MYLK4: variants seen among roughly 807,000 people sequenced by gnomAD.
MYLK4 encodes the protein caMLCK like.
MYLK4 carries 46 observed loss-of-function variants against 48.1 expected under a neutral mutation model. The ratio of observed to expected loss-of-function variants is 0.96; its 90% CI spans 0.75 to 1.22. MYLK4 has a LOEUF of 1.22. Among genes scored for constraint, MYLK4 ranks in the 50% most tolerant of loss-of-function variants. The pLI is 0.00. For synonymous variants in MYLK4, 170 were observed against 180.8 expected (o/e 0.94, Z 0.48); for missense variants, 451 against 486.1 (o/e 0.93, Z 0.68).
intron 2 of MYLK4, among the ~76,000 whole-genome samples, chr6:2,730,435 G>A (rs1763438635): frequency 6.6e-6 from 1 of 152,188 alleles, no homozygotes; most frequent in Non-Finnish European, 1.5e-5. Flanking sequence ...AGCATTGAAT[G>A]AGGGGCTGTA....
At chr6:2,731,886 T>A (rs1285222181) in intron 2 of MYLK4, among the ~76,000 whole-genome samples, 1 of 152,212 alleles carries the variant, frequency 6.6e-6, no homozygotes, top group Admixed American at 6.5e-5. Flanking sequence ...GAAGAGCAAG[T>A]GGCAGCAAGT....
At chr6:2,709,605 T>C (rs1362611671) in intron 2 of MYLK4, among the ~76,000 whole-genome samples, 1 of 152,272 alleles carries the variant, frequency 6.6e-6, no homozygotes, top group Non-Finnish European at 1.5e-5. Flanking sequence ...CTGTTTGCAA[T>C]TCCATTTGAA....
chr6:2,684,148 T>C lies in MYLK4; in HGVS notation c.546-986A>G, dbSNP rs556544103. On this transcript the variant is annotated intron_variant, in intron 6 of 12. Transcript: ENST00000274643. ...GCACTACTCTTGTGTCTTGGGGCCA[T>C]TATGAAGTCAAATGATAGTTCCGTG... Among the ~76,000 whole-genome samples, 3 of 152,220 alleles carry C rather than the reference T, an allele frequency of 2.0e-5. No individual in the cohort carries two copies. The East Asian group carries it at 5.8e-4, about 29-fold the overall frequency.
At chr6:2,753,750 A>G (rs1006371056), upstream of MYLK4, among the ~76,000 whole-genome samples, 3 of 152,184 alleles carry the variant, frequency 2.0e-5, no homozygotes, top group Non-Finnish European at 4.4e-5. Flanking sequence ...AGATATAAAA[A>G]TGGTTAATAA....
chr6:2,764,154 C>T, the MYLK4 span, among the ~76,000 whole-genome samples: 3 of 152,084 alleles, frequency 2.0e-5, no homozygotes, highest in Non-Finnish European at 4.4e-5. Context: ...AGCTCACGAT[C>T]CTCTTTTGGT....
intron 2 of MYLK4, among the ~76,000 whole-genome samples, chr6:2,698,701 T>G (rs1412890662): frequency 6.6e-6 from 1 of 152,222 alleles, no homozygotes; most frequent in Non-Finnish European, 1.5e-5. Flanking sequence ...GAGATGAATT[T>G]TCAGAAGAAA....
At chr6:2,670,820 C>T (rs1582020606) in intron 12 of MYLK4, among the ~76,000 whole-genome samples, 1 of 152,120 alleles carries the variant, frequency 6.6e-6, no homozygotes, top group East Asian at 1.9e-4. Context: ...ACACTCCACC[C>T]TTTACAAGCT....
intron 3 of MYLK4, among the ~76,000 whole-genome samples, chr6:2,690,768 TAGAG>T (rs1299906401): frequency 1.3e-5 from 2 of 151,524 alleles, no homozygotes; most frequent in Non-Finnish European, 2.9e-5. Flanking sequence ...TTCCTTTCCT[TAGAG>T]AGAAATTATT....
At chr6:2,750,192 C>T (rs1033916) in intron 1 of MYLK4, among the ~76,000 whole-genome samples, 129,157 of 152,176 alleles carry the variant, frequency 0.85, 54,939 homozygotes, top group East Asian at 0.92. Context: ...GGAGATTTTC[C>T]GAAAAGCGCC....
chr6:2,753,291 T>C (rs1764341655), upstream of MYLK4, among the ~76,000 whole-genome samples: 1 of 152,194 alleles, frequency 6.6e-6, no homozygotes, highest in African/African-American at 2.4e-5. Flanking sequence ...GGGTTGGCAT[T>C]GAAACCCGGC....
At position 2,673,369 on chromosome 6, in the gene MYLK4, C is replaced by T. The variant is rs1760975622; in HGVS notation, c.1119+1678G>A. Reference sequence around the variant, plus strand: ...AAGGTATATTCAGACACAAATAAAACTTAGTGCCGATGCTGAATTTAGAAG... The same window carrying T: ...AAGGTATATTCAGACACAAATAAAATTTAGTGCCGATGCTGAATTTAGAAG... On this transcript the variant is annotated intron_variant, in intron 11 of 12. Transcript: ENST00000274643. The surrounding 1 kb of genome is among the most constrained non-coding windows in gnomAD (Gnocchi z 4.2). Among the ~76,000 whole-genome samples the T allele has an allele frequency of 6.6e-6, 1 of 152,136 alleles. No individual in the cohort carries two copies. The highest frequency in any genetic ancestry group is 2.1e-4 in the South Asian group (1 of 4,826).
chr6:2,718,051 A>G (rs1456438140), intron 2 of MYLK4, among the ~76,000 whole-genome samples: 1 of 152,058 alleles, frequency 6.6e-6, no homozygotes, highest in Non-Finnish European at 1.5e-5. Context: ...GTGGTGGCGC[A>G]TGCCTGTAAT....
chr6:2,754,635 G>A (rs1010834061), upstream of MYLK4, among the ~76,000 whole-genome samples: 21 of 151,996 alleles, frequency 1.4e-4, no homozygotes, highest in African/African-American at 5.1e-4. Context: ...ACTTGAGATG[G>A]GTGAATTTTA....
upstream of MYLK4, among the ~76,000 whole-genome samples, chr6:2,753,539 G>A (rs1346106734): frequency 2.0e-5 from 3 of 152,024 alleles, no homozygotes; most frequent in African/African-American, 4.8e-5. Flanking sequence ...AATTCAAAAC[G>A]TTTGCCTTTG....
the MYLK4 span, among the ~76,000 whole-genome samples, chr6:2,757,656 G>T: frequency 3.3e-5 from 5 of 151,264 alleles, no homozygotes; most frequent in East Asian, 9.6e-4. Context: ...CATAGTTAGG[G>T]AAAAAGGGAC....
chr6:2,754,219 C>A (rs556033217), upstream of MYLK4, among the ~76,000 whole-genome samples: 131 of 152,276 alleles, frequency 8.6e-4, no homozygotes, highest in African/African-American at 2.9e-3. Context: ...AACCATGGCA[C>A]ATGAATGTTC....
chr6:2,742,777 G>C (rs1247174483), intron 2 of MYLK4, among the ~76,000 whole-genome samples: 2 of 149,264 alleles, frequency 1.3e-5, no homozygotes, highest in East Asian at 3.9e-4. Context: ...TAAATGACGA[G>C]TTAATGGGTG....
chr6:2,762,224 C>A, the MYLK4 span, among the ~76,000 whole-genome samples: 78 of 152,186 alleles, frequency 5.1e-4, 3 homozygotes, highest in East Asian at 0.012. Context: ...AATTTTTACT[C>A]CCATAGTACA....
At chr6:2,674,136 A>C (rs900343409) in intron 11 of MYLK4, among the ~76,000 whole-genome samples, 2 of 152,222 alleles carry the variant, frequency 1.3e-5, no homozygotes, top group African/African-American at 2.4e-5. Context: ...CAGATGAGGA[A>C]GTCGGAATAT....
Sources: allele counts gnomAD v4.1 joint callset (sites outside exome capture counted in the v4.1 genomes callset), GRCh38; gene constraint gnomAD v4.1.1; non-coding constraint Gnocchi (gnomAD v3.1); transcripts MANE v1.5; gene names NCBI Gene and HGNC (gene_info 2026-07-23, HGNC 2026-07-21).